ST7L: variants seen among roughly 807,000 people sequenced by gnomAD.
ST7L encodes the protein suppression of tumorigenicity 7 like.
Under a neutral mutation model 72.5 loss-of-function variants are expected in ST7L, and 57 were observed. That is an observed-to-expected ratio of 0.79 (90% CI 0.64 to 0.98). The LOEUF (loss-of-function observed/expected upper bound fraction) is 0.98, where lower values mean the gene tolerates loss of function less well. Ranked by LOEUF, ST7L falls within the 50% of genes least tolerant of loss-of-function variation. The pLI, the probability that ST7L is intolerant of heterozygous loss-of-function variation, is 0.00. For missense variants in ST7L, 576 were observed against 672.2 expected, an observed-to-expected ratio of 0.86 and a Z score of 1.58; for synonymous variants, 221 against 240.9, an observed-to-expected ratio of 0.92 and a Z score of 0.77.
intron 11 of ST7L, among the ~76,000 whole-genome samples, chr1:112,573,120 G>A (rs866388274): frequency 3.9e-5 from 6 of 151,928 alleles, no homozygotes; most frequent in South Asian, 2.1e-4. Context: ...AGGCCGAGGC[G>A]GGCTGATCAT....
chr1:112,525,869 A>G lies in ST7L; in HGVS notation c.*144T>C. On this transcript the variant is annotated 3_prime_UTR_variant, in exon 15 of 15. Coordinates refer to ENST00000358039, the MANE Select transcript of ST7L (RefSeq NM_017744.5). The stretch of plus-strand genomic sequence containing the variant: ...GGTTTGCCTAGGAATAACAATATTC[A>G]TAAGAAGCTTTTTCATATGCAAAAT... The G allele has an allele frequency of 8.6e-7, 1 of 1,160,648 alleles. No individual in the cohort carries two copies. The highest frequency in any genetic ancestry group is 1.9e-5 in the South Asian group (1 of 51,860). 71.9% of individuals were successfully genotyped at this position (1,160,648 alleles called of 1,614,324 possible). A position where few individuals can be genotyped will look rare whatever the true frequency, so the allele number is the denominator to read the frequency against.
chr1:112,561,506 A>G (rs1660136606), intron 11 of ST7L, among the ~76,000 whole-genome samples: 1 of 151,198 alleles, frequency 6.6e-6, no homozygotes, highest in Admixed American at 6.6e-5. Context: ...TGGAGATGGA[A>G]TTTTGCTTTT....
At chr1:112,616,636 G>A (rs544351642) in intron 2 of ST7L, among the ~76,000 whole-genome samples, 177 bp downstream of exon 2, 86 of 152,048 alleles carry the variant, frequency 5.7e-4, no homozygotes, top group African/African-American at 1.8e-3. Flanking sequence ...CCAGCTACTC[G>A]GGAGGCTGAG....
At chr1:112,536,761 T>C (rs975067382) in intron 14 of ST7L, among the ~76,000 whole-genome samples, 3 of 152,140 alleles carry the variant, frequency 2.0e-5, no homozygotes, top group African/African-American at 4.8e-5. Context: ...CAGAAATTCA[T>C]CATTGGCATG....
intron 6 of ST7L, 85 bp downstream of exon 6, chr1:112,591,440 C>T: frequency 1.7e-6 from 2 of 1,168,170 alleles, no homozygotes; most frequent in Non-Finnish European, 2.5e-6. Context: ...CTCCAAGTGT[C>T]TTAGGAACAG....
At chr1:112,550,726 T>G in intron 12 of ST7L, 33 bp from the exon 13 acceptor site, 1 of 1,535,582 alleles carries the variant, frequency 6.5e-7, no homozygotes, top group Non-Finnish European at 9.0e-7. Context: ...TGATACTCAA[T>G]TCTGTCTCAT....
At chr1:112,587,840 T>C (rs1049122504) in intron 6 of ST7L, among the ~76,000 whole-genome samples, 5 of 152,220 alleles carry the variant, frequency 3.3e-5, no homozygotes, top group African/African-American at 1.2e-4. Context: ...GCCTTGTCCA[T>C]TTCTGCAGAA....
intron 11 of ST7L, 25 bp from the exon 12 acceptor site, chr1:112,556,043 T>TATA: frequency 6.9e-7 from 1 of 1,447,902 alleles, no homozygotes; most frequent in Non-Finnish European, 9.2e-7. Flanking sequence ...CACAGACACA[T>TATA]ATACACACAA....
intron 10 of ST7L, 134 bp from the exon 11 acceptor site, chr1:112,577,222 C>CAAAA (rs879471946): frequency 4.2e-4 from 128 of 302,774 alleles, no homozygotes; most frequent in African/African-American, 3.0e-3. Context: ...AGAGGACTAA[C>CAAAA]AAAAAAAAAA....
In ST7L at chr1:112,618,908, C is replaced by T. The variant is rs752937304; in HGVS notation, c.205+1G>A. 1.9e-6 allele frequency: 3 copies of T among 1,556,686 alleles called. No individual in the cohort carries two copies. The highest frequency in any genetic ancestry group is 3.9e-5 in the Admixed American group (2 of 51,310). ...TGCCCCAGGAGGTCTGGTCCTCTCA[C>T]CCGCTGCCAAATTCTCACACAGCCT... On this transcript the variant is annotated splice_donor_variant, in intron 1 of 14. Transcript: ENST00000358039. LOFTEE classifies it high-confidence loss of function.
rs140337970 is a variant in ST7L at position 112,532,320 on chromosome 1, T to C, written c.1630-6209A>G. The stretch of plus-strand genomic sequence containing the variant: ...AATGTATTTGCCTGCCAAGAACAGC[T>C]GTGGCTGTACTCTTGATAGGAGTCT... On this transcript the variant is annotated intron_variant, in intron 14 of 14. Transcript: ENST00000358039. 5.5e-3 allele frequency among the ~76,000 whole-genome samples: 837 copies of C among 152,368 alleles called. 3 individuals carry two copies. The highest frequency in any genetic ancestry group is 0.027 in the Middle Eastern group (8 of 294).
chr1:112,542,267 C>T (rs1417798480), intron 13 of ST7L, among the ~76,000 whole-genome samples, 177 bp from the exon 14 acceptor site: 1 of 152,118 alleles, frequency 6.6e-6, no homozygotes, highest in Non-Finnish European at 1.5e-5. Flanking sequence ...GCATCAACAG[C>T]ATATCTAAAT....
intron 11 of ST7L, among the ~76,000 whole-genome samples, chr1:112,566,383 C>T (rs1472893231): frequency 1.4e-5 from 2 of 147,986 alleles, no homozygotes; most frequent in Admixed American, 6.8e-5. Context: ...CTGCAACCTC[C>T]ACCTCCTGGG....
upstream of ST7L, chr1:112,619,275 A>G: frequency 1.5e-6 from 1 of 664,686 alleles, no homozygotes; most frequent in East Asian, 2.7e-5. Flanking sequence ...GCGTGTCTCA[A>G]GATTGGGGCT....
chr1:112,569,971 AAAAC>A (rs1661788623), intron 11 of ST7L, among the ~76,000 whole-genome samples: 1 of 151,478 alleles, frequency 6.6e-6, no homozygotes, highest in African/African-American at 2.4e-5. Context: ...AAAAAAAAAA[AAAAC>A]AAAAAAACTA....
intron 11 of ST7L, among the ~76,000 whole-genome samples, chr1:112,576,444 T>C (rs1254066746): frequency 2.0e-5 from 3 of 152,132 alleles, no homozygotes; most frequent in Non-Finnish European, 4.4e-5. Flanking sequence ...AAGCAATAAT[T>C]TGTATAACTG....
At chr1:112,561,376 C>T (rs1473088316) in intron 11 of ST7L, among the ~76,000 whole-genome samples, 1 of 100,542 alleles carries the variant, frequency 9.9e-6, no homozygotes, top group Non-Finnish European at 1.9e-5. Flanking sequence ...AGCTCCCTGC[C>T]TCAAAAAAAA....
In ST7L at chr1:112,618,956, AG is replaced by A. The variant is rs772130444; in HGVS notation, c.157del (p.Leu53PhefsTer4). Reference protein sequence around the residue: ...SLWFVAGLGLLYALRIPLRLC... With the variant: ...SLWFVAGLGLXYALRIPLRLC... ...CCTCAAAGGGATCCTCAGGGCGTAA[AG>A]CAGCCCCAGCCCCGCCACGAACCAC... is the stretch of plus-strand genomic sequence containing the variant. On this transcript the variant is annotated frameshift_variant, in exon 1 of 15. Transcript: ENST00000358039. LOFTEE classifies it high-confidence loss of function. 1 of 1,595,778 alleles carries A rather than the reference AG, an allele frequency of 6.3e-7. No homozygotes were observed. Among genetic ancestry groups the A allele is most frequent in the Non-Finnish European group, 8.5e-7 (1 of 1,171,262 alleles).
chr1:112,607,991 A>G (rs1281641273), intron 3 of ST7L, among the ~76,000 whole-genome samples: 1 of 152,164 alleles, frequency 6.6e-6, no homozygotes, highest in African/African-American at 2.4e-5. Context: ...AAAAAAATTG[A>G]ACAAAAGCAT....
Sources: gnomAD v4.1 joint callset for allele counts (sites outside exome capture counted in the v4.1 genomes callset) on GRCh38, gnomAD v4.1.1 for gene constraint, MANE v1.5 for transcripts, NCBI Gene and HGNC (gene_info 2026-07-23, HGNC 2026-07-21) for gene names.